The following ADH1A variants were observed in gnomAD, a reference collection of about 807,000 sequenced individuals.
ADH1A encodes alcohol dehydrogenase 1A.
Under a neutral mutation model 35.2 loss-of-function variants are expected in ADH1A, and 29 were observed. That is an observed-to-expected ratio of 0.82 (90% CI 0.61 to 1.12). ADH1A has a LOEUF of 1.12. Among genes scored for constraint, ADH1A ranks in the 50% most tolerant of loss-of-function variants. ADH1A has a pLI of 0.00. For missense variants in ADH1A, 469 were observed against 464.7 expected, an observed-to-expected ratio of 1.01 and a Z score of -0.09; for synonymous variants, 147 against 164.8, an observed-to-expected ratio of 0.89 and a Z score of 0.83.
At chr4:99,284,280 AT>A (rs1733083331) in intron 5 of ADH1A, 118 bp downstream of exon 5, 1 of 1,089,854 alleles carries the variant, frequency 9.2e-7, no homozygotes, top group African/African-American at 1.6e-5. Context: ...TTGTGTTTCT[AT>A]TCTTAGTCGA....
chr4:99,280,955 C>T (rs973545636), intron 6 of ADH1A, among the ~76,000 whole-genome samples: 1 of 152,120 alleles, frequency 6.6e-6, no homozygotes, highest in Non-Finnish European at 1.5e-5. Context: ...AGGATTGCCC[C>T]AAGATATGTA....
intron 8 of ADH1A, among the ~76,000 whole-genome samples, chr4:99,277,021 G>A (rs1317676839): frequency 6.6e-6 from 1 of 151,962 alleles, no homozygotes; most frequent in Non-Finnish European, 1.5e-5. Context: ...TGCATTTTCT[G>A]TCTTAAACTT....
At chr4:99,279,928 G>A (rs1579488912) in intron 7 of ADH1A, among the ~76,000 whole-genome samples, 1 of 152,300 alleles carries the variant, frequency 6.6e-6, no homozygotes, top group East Asian at 1.9e-4. Context: ...GAAAACAGAT[G>A]AAGAGGAACA....
At position 99,286,974 on chromosome 4, in the gene ADH1A, T is replaced by G. The variant is rs993439267; in HGVS notation, c.135A>C (p.Gly45=). ...HEVRIKMVAV[G]ICGTDDHVVS... is the part of the protein sequence containing the mutation. Reference sequence around the variant, plus strand: ...CCACGTGGTCATCTGTGCCACAGATTCCTACAGCCACCATCTACAGAGTGA... The same window carrying G: ...CCACGTGGTCATCTGTGCCACAGATGCCTACAGCCACCATCTACAGAGTGA... Residue 45 remains glycine, a synonymous_variant, in exon 3 of 9, where the codon GGA becomes GGC. Transcript: ENST00000209668. 4.3e-6 allele frequency: 7 copies of G among 1,614,028 alleles called. No homozygotes were observed. The highest frequency in any genetic ancestry group is 5.1e-6 in the Non-Finnish European group (6 of 1,179,942).
At chr4:99,283,483 T>G (rs1407857589) in intron 5 of ADH1A, among the ~76,000 whole-genome samples, 3 of 152,146 alleles carry the variant, frequency 2.0e-5, no homozygotes, top group African/African-American at 7.2e-5. Context: ...TATTCATTCA[T>G]TCATTCATTC....
In ADH1A at chr4:99,284,698, A is replaced by C. The variant is rs1377362041; in HGVS notation, c.347+18T>G. 9 of 1,613,732 alleles carry C rather than the reference A, an allele frequency of 5.6e-6. No individual in the cohort carries two copies. The South Asian group carries it at 9.9e-5, about 18-fold the overall frequency. On this transcript the variant is annotated intron_variant, in intron 4 of 8. Transcript: ENST00000209668. ...GTGCAAACTCAATGTCTGCGCAGGG[A>C]GAGCATCAGAAACCTACTCGTTTTT... is the stretch of plus-strand genomic sequence containing the variant.
intron 8 of ADH1A, among the ~76,000 whole-genome samples, chr4:99,278,053 C>T (rs547828145): frequency 3.3e-5 from 5 of 152,136 alleles, no homozygotes; most frequent in African/African-American, 1.2e-4. Context: ...TTGAGTGTTA[C>T]AATTTTTAAT....
At chr4:99,283,921 G>A (rs180697194) in intron 5 of ADH1A, among the ~76,000 whole-genome samples, 1 of 152,288 alleles carries the variant, frequency 6.6e-6, no homozygotes, top group African/African-American at 2.4e-5. Flanking sequence ...GTGAGCCTTG[G>A]TTTGGAGGTG....
intron 5 of ADH1A, among the ~76,000 whole-genome samples, chr4:99,283,994 G>T (rs528369149): frequency 2.0e-5 from 3 of 152,262 alleles, no homozygotes; most frequent in African/African-American, 7.2e-5. Context: ...AGGATCCACA[G>T]ACTAGCTGCT....
intron 3 of ADH1A, among the ~76,000 whole-genome samples, chr4:99,286,137 T>A (rs1733147357): frequency 6.6e-6 from 1 of 152,108 alleles, no homozygotes; most frequent in South Asian, 2.1e-4. Context: ...TAACATTTTA[T>A]AGGTAAAATT....
chr4:99,282,394 A>G lies in ADH1A; in HGVS notation c.780T>C (p.Asp260=), dbSNP rs369396984. 14 of 1,613,986 alleles carry G rather than the reference A, an allele frequency of 8.7e-6. No individual in the cohort carries two copies. The highest frequency in any genetic ancestry group is 1.1e-5 in the South Asian group (1 of 91,084). Reference sequence around the variant, plus strand: ...CTTCAAATGAAAAATCCACACCTCCATCAGTCATTTCCTTTAGCACCTCCT... The same window carrying G: ...CTTCAAATGAAAAATCCACACCTCCGTCAGTCATTTCCTTTAGCACCTCCT... ...PIQEVLKEMT[D]GGVDFSFEVI... Residue 260 remains aspartate (D), a synonymous_variant, in exon 6 of 9, where the codon GAT becomes GAC. Transcript: ENST00000209668.
chr4:99,283,371 G>C (rs1184970318), intron 5 of ADH1A, among the ~76,000 whole-genome samples: 1 of 152,188 alleles, frequency 6.6e-6, no homozygotes, highest in Non-Finnish European at 1.5e-5. Flanking sequence ...AATTGGCCAG[G>C]GGATATTTAT....
At chr4:99,279,644 A>C in intron 7 of ADH1A, 80 bp from the exon 8 acceptor site, 1 of 1,499,564 alleles carries the variant, frequency 6.7e-7, no homozygotes. Context: ...AAATAAATGA[A>C]AGTTTAGAAA....
chr4:99,289,164 C>A (rs1433509498), intron 1 of ADH1A, among the ~76,000 whole-genome samples: 1 of 152,134 alleles, frequency 6.6e-6, no homozygotes, highest in Non-Finnish European at 1.5e-5. Flanking sequence ...TGTTTAATGG[C>A]TGAGTAGTAT....
At chr4:99,280,369 A>T in intron 6 of ADH1A, 90 bp from the exon 7 acceptor site, 1 of 1,584,552 alleles carries the variant, frequency 6.3e-7, no homozygotes, top group Non-Finnish European at 8.6e-7. Flanking sequence ...GCTTAACTGG[A>T]TTGTGAGTGT....
rs1733035634 is a variant in ADH1A at position 99,282,585 on chromosome 4, C to T, written c.589G>A (p.Ala197Thr). 4 of 1,614,182 alleles carry T rather than the reference C, an allele frequency of 2.5e-6. No homozygotes were observed. The highest frequency in any genetic ancestry group is 1.6e-4 in the Middle Eastern group (1 of 6,062). The stretch of plus-strand genomic sequence containing the variant: ...CCGACCCCTCCCAGGCCAAACACAG[C>T]ACAGGTAGAGCCTGGGGTGACCTGT... ...VAKVTPGSTC[A>T]VFGLGGVGLS... is the part of the protein sequence containing the mutation. The change falls in exon 6 of 9, where the codon GCT (alanine) becomes ACT (threonine). Residue 197 changes from alanine to threonine, a missense_variant. By Grantham distance (58) the Ala-to-Thr change is moderately conservative (BLOSUM62 0). Transcript: ENST00000209668.
At chr4:99,277,341 G>A (rs1028418785) in intron 8 of ADH1A, among the ~76,000 whole-genome samples, 2 of 152,010 alleles carry the variant, frequency 1.3e-5, no homozygotes, top group Admixed American at 1.3e-4. Context: ...CTTCATTCTT[G>A]TGAAGATTAC....
intron 8 of ADH1A, among the ~76,000 whole-genome samples, chr4:99,277,076 G>T (rs1732887314): frequency 6.6e-6 from 1 of 151,578 alleles, no homozygotes; most frequent in Non-Finnish European, 1.5e-5. Context: ...ATATTATTTT[G>T]ATTTTAGAGA....
At chr4:99,282,156 C>T (rs773186594) in intron 6 of ADH1A, 190 bp downstream of exon 6, 7 of 1,092,368 alleles carry the variant, frequency 6.4e-6, no homozygotes, top group Non-Finnish European at 9.2e-6. Context: ...ACTTGAGACA[C>T]GTTTGCATAG....
Sources: allele counts gnomAD v4.1 joint callset (sites outside exome capture counted in the v4.1 genomes callset), GRCh38; gene constraint gnomAD v4.1.1; transcripts MANE v1.5; gene names NCBI Gene and HGNC (gene_info 2026-07-23, HGNC 2026-07-21).